AGR3: variants seen among roughly 807,000 people sequenced by gnomAD.
AGR3 encodes the protein anterior gradient 3, protein disulphide isomerase family member.
AGR3 carries 37 observed loss-of-function variants against 24.5 expected under a neutral mutation model. The observed-to-expected ratio is 1.51, with a 90% CI of 1.16 to 1.99. The LOEUF (loss-of-function observed/expected upper bound fraction) is 1.99. AGR3 is among the 30% of genes most tolerant of loss of function. The probability of loss-of-function intolerance (pLI) is 0.00; values close to 1 mark genes in which losing one functional copy is unlikely to be tolerated. For synonymous variants in AGR3, 75 were observed against 61.6 expected, an observed-to-expected ratio of 1.22 and a Z score of -1.02; for missense variants, 228 against 191.1, an observed-to-expected ratio of 1.19 and a Z score of -1.14.
intron 7 of AGR3, 49 bp downstream of exon 7, chr7:16,860,451 G>T: frequency 7.4e-7 from 1 of 1,349,090 alleles, no homozygotes; most frequent in Non-Finnish European, 1.1e-6. Flanking sequence ...TTAACAAATA[G>T]TCAGGGGTCA....
At chr7:16,866,913 A>C (rs1329577775) in intron 3 of AGR3, among the ~76,000 whole-genome samples, 1 of 152,124 alleles carries the variant, frequency 6.6e-6, no homozygotes, top group Non-Finnish European at 1.5e-5. Flanking sequence ...AATTCCGTGT[A>C]ATTGAAAATA....
chr7:16,856,706 T>C (rs771740352), downstream of AGR3, among the ~76,000 whole-genome samples: 2 of 152,210 alleles, frequency 1.3e-5, no homozygotes, highest in Non-Finnish European at 2.9e-5. Flanking sequence ...AGGTAGTTGA[T>C]GTTGGTAACT....
In AGR3 at chr7:16,862,625, A is replaced by C. The variant is rs1474257728; in HGVS notation, c.211T>G (p.Cys71Gly). The C allele has an allele frequency of 1.3e-6, 2 of 1,537,306 alleles. No individual in the cohort carries two copies. Among genetic ancestry groups the C allele is most frequent in the Non-Finnish European group, 1.7e-6 (2 of 1,149,090 alleles). Residue 71 changes from cysteine (C) to glycine (G), a missense_variant, in exon 4 of 8, where the codon TGT (cysteine) becomes GGT (glycine). By Grantham distance (159) the Cys-to-Gly change is radical. Coordinates refer to ENST00000310398, the MANE Select transcript of AGR3 (RefSeq NM_176813.5). ...CTAAAATTACCTTGAGAGTATTGACAATCCTCCAGGTGATGAATAACCATT... is the reference window on the plus strand; with the variant it reads ...CTAAAATTACCTTGAGAGTATTGACCATCCTCCAGGTGATGAATAACCATT... ...PLMVIHHLEDCQYSQALKKVF... is the reference protein window; with the variant it reads ...PLMVIHHLEDGQYSQALKKVF...
intron 2 of AGR3, among the ~76,000 whole-genome samples, chr7:16,878,290 G>C (rs1400057672): frequency 6.6e-6 from 1 of 152,146 alleles, no homozygotes; most frequent in African/African-American, 2.4e-5. Flanking sequence ...TTTGGCAAAA[G>C]ATAATGCAAA....
At chr7:16,864,473 T>G in intron 3 of AGR3, 2 of 1,273,188 alleles carry the variant, frequency 1.6e-6, no homozygotes, top group Non-Finnish European at 2.3e-6. Context: ...TCATCTCCAC[T>G]GTCAGGGTCG....
chr7:16,854,692 G>A (rs940826), downstream of AGR3, among the ~76,000 whole-genome samples: 59,648 of 152,020 alleles, frequency 0.39, 12,519 homozygotes, highest in African/African-American at 0.56. Flanking sequence ...GGCTTAAACA[G>A]TCAATTTATT....
At chr7:16,878,955 C>G (rs1297699104) in intron 1 of AGR3, among the ~76,000 whole-genome samples, 1 of 152,188 alleles carries the variant, frequency 6.6e-6, no homozygotes, top group Non-Finnish European at 1.5e-5. Context: ...TTCACACCAA[C>G]AAGACGAAAC....
chr7:16,879,801 C>T (rs1160252783), intron 1 of AGR3, among the ~76,000 whole-genome samples: 1 of 152,170 alleles, frequency 6.6e-6, no homozygotes, highest in Non-Finnish European at 1.5e-5. Context: ...ATTGGTAAAA[C>T]ATTTGGCAAT....
intron 1 of AGR3, among the ~76,000 whole-genome samples, chr7:16,879,533 C>A (rs991417832): frequency 6.6e-6 from 1 of 152,204 alleles, no homozygotes; most frequent in Admixed American, 6.5e-5. Flanking sequence ...TTGACTCATG[C>A]AGTTTTGAAA....
At chr7:16,878,248 A>G (rs944806223) in intron 2 of AGR3, among the ~76,000 whole-genome samples, 2 of 152,184 alleles carry the variant, frequency 1.3e-5, no homozygotes, top group Non-Finnish European at 2.9e-5. Context: ...CTGGTTACCA[A>G]AGTTATAGAC....
At chr7:16,876,036 A>G (rs1781980605) in intron 2 of AGR3, among the ~76,000 whole-genome samples, 1 of 152,212 alleles carries the variant, frequency 6.6e-6, no homozygotes, top group African/African-American at 2.4e-5. Context: ...TGCTCAATTT[A>G]GTTCCACAAA....
intron 3 of AGR3, among the ~76,000 whole-genome samples, chr7:16,872,383 C>T (rs1490468576): frequency 6.6e-6 from 1 of 152,150 alleles, no homozygotes; most frequent in East Asian, 1.9e-4. Flanking sequence ...ATAAATGGTG[C>T]TGGAAAACCT....
At chr7:16,880,508 C>CTT (rs1782092572) in intron 1 of AGR3, among the ~76,000 whole-genome samples, 1 of 11,432 alleles carries the variant, frequency 8.7e-5, no homozygotes, top group Non-Finnish European at 2.8e-4. Context: ...CTTTCCCCTC[C>CTT]TCTTTCCCCT....
At chr7:16,878,847 G>A (rs11496005) in intron 1 of AGR3, among the ~76,000 whole-genome samples, 43,012 of 152,114 alleles carry the variant, frequency 0.28, 6,586 homozygotes, top group Non-Finnish European at 0.34. Flanking sequence ...CTCAGTTGGT[G>A]AGAAGTCATG....
At chr7:16,866,398 T>A (rs548170023) in intron 3 of AGR3, 81 of 287,844 alleles carry the variant, frequency 2.8e-4, no homozygotes, top group Middle Eastern at 2.8e-3. Flanking sequence ...TAACTGTCCC[T>A]GAAGATGCCA....
chr7:16,864,145 A>G (rs1273696625), intron 3 of AGR3: 1 of 566,736 alleles, frequency 1.8e-6, no homozygotes, highest in South Asian at 2.4e-5. Flanking sequence ...GACTACAGGA[A>G]CGGAGAATTA....
intron 3 of AGR3, chr7:16,865,051 G>A (rs1781728672): frequency 3.8e-6 from 3 of 798,734 alleles, no homozygotes; most frequent in Middle Eastern, 2.8e-4. Flanking sequence ...AAATGAGAGG[G>A]CAACCAAGAT....
intron 3 of AGR3, among the ~76,000 whole-genome samples, chr7:16,868,960 A>C (rs533090738): frequency 6.6e-6 from 1 of 152,178 alleles, no homozygotes; most frequent in African/African-American, 2.4e-5. Flanking sequence ...GACTTGTTTC[A>C]TGTGTCATGT....
downstream of AGR3, among the ~76,000 whole-genome samples, chr7:16,858,186 CCAT>C (rs1038884146): frequency 4.6e-5 from 7 of 151,926 alleles, no homozygotes; most frequent in Non-Finnish European, 1.0e-4. Flanking sequence ...TGGGGTTTCA[CCAT>C]GTTGACCAGG....
Sources: allele counts gnomAD v4.1 joint callset (sites outside exome capture counted in the v4.1 genomes callset), GRCh38; gene constraint gnomAD v4.1.1; transcripts MANE v1.5; gene names NCBI Gene and HGNC (gene_info 2026-07-23, HGNC 2026-07-21).